The following PSG11 variants were observed in gnomAD, a reference collection of about 807,000 sequenced individuals.
The protein encoded by PSG11 is pregnancy-specific beta-1-glycoprotein 11.
PSG11 carries 42 observed loss-of-function variants against 36.0 expected under a neutral mutation model. The observed-to-expected ratio is 1.17, with a 90% CI of 0.91 to 1.51. The LOEUF is 1.51. Among genes scored for constraint, PSG11 ranks in the 40% most tolerant of loss-of-function variants. The pLI is 0.00. For synonymous variants in PSG11, 206 were observed against 153.5 expected, an observed-to-expected ratio of 1.34 and a Z score of -2.53; for missense variants, 558 against 403.5, an observed-to-expected ratio of 1.38 and a Z score of -3.28.
At chr19:43,016,781 G>C (rs1448387829) in intron 3 of PSG11, among the ~76,000 whole-genome samples, 1 of 151,496 alleles carries the variant, frequency 6.6e-6, no homozygotes, top group Non-Finnish European at 1.5e-5. Flanking sequence ...CCCTGTCCTG[G>C]GTCCTTTAAG....
At chr19:43,021,623 G>T (rs1967104160) in intron 2 of PSG11, among the ~76,000 whole-genome samples, 1 of 151,462 alleles carries the variant, frequency 6.6e-6, no homozygotes, top group Admixed American at 6.6e-5. Flanking sequence ...TGCGATTATA[G>T]GCATCAGCCA....
chr19:43,019,558 A>G (rs1967053571), intron 2 of PSG11: 1 of 164,444 alleles, frequency 6.1e-6, no homozygotes. Flanking sequence ...TGGGTACTTC[A>G]GCAGAAATAA....
At chr19:43,011,449 T>C (rs541278393) in intron 4 of PSG11, among the ~76,000 whole-genome samples, 2 of 151,302 alleles carry the variant, frequency 1.3e-5, no homozygotes, top group Non-Finnish European at 2.9e-5. Context: ...TTAGAGTTGA[T>C]ATAAATAAAA....
intron 3 of PSG11, among the ~76,000 whole-genome samples, chr19:43,018,015 G>T (rs372998660): frequency 6.6e-5 from 10 of 151,216 alleles, no homozygotes; most frequent in Admixed American, 2.0e-4. Context: ...CTGGGTTTTT[G>T]ATTTTCCCTC....
intron 2 of PSG11, among the ~76,000 whole-genome samples, chr19:43,023,318 G>T (rs1176304903): frequency 2.0e-5 from 3 of 150,746 alleles, no homozygotes; most frequent in Non-Finnish European, 4.4e-5. Flanking sequence ...TCCTTCATTT[G>T]TTATGTGAGA....
At chr19:43,023,468 G>T (rs1213019919) in intron 2 of PSG11, among the ~76,000 whole-genome samples, 1 of 150,900 alleles carries the variant, frequency 6.6e-6, no homozygotes. Flanking sequence ...TTCAGTGATG[G>T]GGGTTAAGAT....
At position 43,018,689 on chromosome 19, in the gene PSG11, G is replaced by C; in HGVS notation, c.709+81C>G. On this transcript the variant is annotated intron_variant, in intron 3 of 5. Coordinates refer to ENST00000320078, the MANE Select transcript of PSG11 (RefSeq NM_002785.3). ...GGTAAAGGTCTCTGTACTTGGACCT[G>C]AGAGGGACTGAGAGGCCTGGCCTCT... 4 of 1,609,412 alleles carry C rather than the reference G, an allele frequency of 2.5e-6. 1 individual carries two copies. The highest frequency in any genetic ancestry group is 3.3e-5 in the Admixed American group (2 of 59,876).
chr19:43,020,422 A>G (rs73557633), intron 2 of PSG11, among the ~76,000 whole-genome samples: 8 of 151,352 alleles, frequency 5.3e-5, no homozygotes, highest in Non-Finnish European at 8.8e-5. Context: ...GGGATGCTCC[A>G]TATTTAATAC....
Position 43,024,886 on chromosome 19 carries a change from T to A in PSG11, c.235A>T (p.Ile79Phe), listed in dbSNP as rs750023952. ...KGQIRDLYHY[I>F]TSYVVDGQII... The stretch of plus-strand genomic sequence containing the variant: ...TGACCGTCTACTACATATGATGTAA[T>A]GTAATGGTAGAGGTCCCTGATTTGC... The change falls in exon 2 of 6, where the codon ATT becomes TTT. Residue 79 changes from isoleucine (I) to phenylalanine (F), a missense_variant. Transcript: ENST00000320078. The A allele has an allele frequency of 1.2e-6, 2 of 1,611,738 alleles. No individual in the cohort carries two copies. Among genetic ancestry groups the A allele is most frequent in the East Asian group, 4.5e-5 (2 of 44,774 alleles).
At position 43,026,367 on chromosome 19, in the gene PSG11, C is replaced by T. The variant is rs137969445; in HGVS notation, c.6G>A (p.Gly2=). 11 of 1,609,812 alleles carry T rather than the reference C, an allele frequency of 6.8e-6. No individual in the cohort carries two copies. Among genetic ancestry groups the T allele is most frequent in the Admixed American group, 1.7e-5 (1 of 59,772 alleles). Residue 2 remains glycine (G), a synonymous_variant, in exon 1 of 6, where the codon GGG becomes GGA. Coordinates refer to ENST00000320078, the MANE Select transcript of PSG11 (RefSeq NM_002785.3). M[G]PLSAPPCTEH... ...CTGTGCAGGGAGGGGCTGAGAGGGG[C>T]CCCATGATCTCTGCTGCGTGCATGT...
rs1967032638 is a variant in PSG11, at chr19:43,018,873, G to A, written c.606C>T (p.Leu202=). 1 of 1,612,020 alleles carries A rather than the reference G, an allele frequency of 6.2e-7. No individual in the cohort carries two copies. Among genetic ancestry groups the A allele is most frequent in the South Asian group, 1.1e-5 (1 of 90,850 alleles). Residue 202 remains leucine (L), a synonymous_variant, in exon 3 of 6, where the codon CTC becomes CTT. Transcript: ENST00000320078. ...RMQLSETNRT[L]FLFGVTKYTA... is the part of the protein sequence containing the mutation. ...TATACTTTGTGACACCAAATAGAAA[G>A]AGGGTCCTGTTGGTTTCAGACAGCT... is the stretch of plus-strand genomic sequence containing the variant.
At chr19:43,012,013 G>A (rs1250865158) in intron 4 of PSG11, among the ~76,000 whole-genome samples, 1 of 150,886 alleles carries the variant, frequency 6.6e-6, no homozygotes, top group East Asian at 1.9e-4. Context: ...TAACCTAGAT[G>A]AAATAGACAA....
chr19:43,023,170 G>T (rs369451486), intron 2 of PSG11, among the ~76,000 whole-genome samples: 8,793 of 150,208 alleles, frequency 0.059, 438 homozygotes, highest in South Asian at 0.1. Context: ...GGCTTTAGGG[G>T]CAAGAGGTAG....
chr19:43,024,877 A>G lies in PSG11; in HGVS notation c.244T>C (p.Tyr82His), dbSNP rs753853458. 4.3e-6 allele frequency: 7 copies of G among 1,611,272 alleles called. No individual in the cohort carries two copies. The African/African-American group carries it at 6.7e-5, about 16-fold the overall frequency. The change falls in exon 2 of 6, where the codon TAT (tyrosine) becomes CAT (histidine). Residue 82 changes from tyrosine (Y) to histidine (H), a missense_variant. Physicochemically the swap from Tyr to His is moderately conservative, Grantham distance 83. Transcript: ENST00000320078. ...ATAATTATTTGACCGTCTACTACATATGATGTAATGTAATGGTAGAGGTCC... is the reference window on the plus strand; with the variant it reads ...ATAATTATTTGACCGTCTACTACATGTGATGTAATGTAATGGTAGAGGTCC... Reference protein sequence around the residue: ...IRDLYHYITSYVVDGQIIIYG... With the variant: ...IRDLYHYITSHVVDGQIIIYG...
In PSG11 at chr19:43,021,785, T is replaced by A. The variant is rs59564254; in HGVS notation, c.431-2737A>T. ...GTCTCTAGGAAGTGATCAGAGAATGTAAGCTCCATAGCACGTTGACGATGG... is the reference window on the plus strand; with the variant it reads ...GTCTCTAGGAAGTGATCAGAGAATGAAAGCTCCATAGCACGTTGACGATGG... On this transcript the variant is annotated intron_variant, in intron 2 of 5. Coordinates refer to ENST00000320078, the MANE Select transcript of PSG11 (RefSeq NM_002785.3). Among the ~76,000 whole-genome samples, 683 of 151,554 alleles carry A rather than the reference T, an allele frequency of 4.5e-3. 27 individuals carry two copies. The highest frequency in any genetic ancestry group is 0.016 in the African/African-American group (642 of 41,170).
At chr19:43,025,936 C>CTTTTTTTTTTTTTTTTTTT (rs1195259262) in intron 1 of PSG11, among the ~76,000 whole-genome samples, 14 of 68,148 alleles carry the variant, frequency 2.1e-4, no homozygotes, top group African/African-American at 3.9e-4. Context: ...TTTTTTTTCT[C>CTTTTTTTTTTTTTTTTTTT]TTTTTTTTTT....
At chr19:43,011,100 G>C (rs1415086611) in intron 4 of PSG11, among the ~76,000 whole-genome samples, 1 of 150,974 alleles carries the variant, frequency 6.6e-6, no homozygotes, top group Non-Finnish European at 1.5e-5. Context: ...GCTAGTGACA[G>C]GTGGATCTGA....
intron 3 of PSG11, chr19:43,015,655 G>A: frequency 5.2e-6 from 8 of 1,530,472 alleles, no homozygotes; most frequent in Non-Finnish European, 7.0e-6. Flanking sequence ...GGCCACCTCG[G>A]ATGTCCAAAA....
At chr19:43,010,336 A>C in intron 4 of PSG11, 1 of 1,513,394 alleles carries the variant, frequency 6.6e-7, no homozygotes, top group Admixed American at 2.2e-5. Context: ...GGAACTTGTC[A>C]CCTTTGCACC....
Sources: allele counts gnomAD v4.1 joint callset (sites outside exome capture counted in the v4.1 genomes callset), GRCh38; gene constraint gnomAD v4.1.1; transcripts MANE v1.5; gene names NCBI Gene and HGNC (gene_info 2026-07-23, HGNC 2026-07-21).